The following MECOM variants were observed in gnomAD, a reference collection of about 807,000 sequenced individuals.
MECOM encodes the protein MDS1 and EVI1 complex locus.
Under a neutral mutation model 116.3 loss-of-function variants are expected in MECOM, and 13 were observed. The observed-to-expected ratio is 0.11, with a 90% CI of 0.07 to 0.18. MECOM has a LOEUF of 0.18. MECOM is among the 10% of genes least tolerant of loss of function. MECOM has a pLI of 1.00. For synonymous variants in MECOM, 528 were observed against 535.2 expected (o/e 0.99, Z 0.19); for missense variants, 1,299 against 1,509.0 (o/e 0.86, Z 2.31).
At chr3:169,149,077 CTT>C (rs60870748) in intron 2 of MECOM, among the ~76,000 whole-genome samples, 155 of 115,066 alleles carry the variant, frequency 1.3e-3, no homozygotes, top group African/African-American at 2.9e-3. Flanking sequence ...TCGGAGCTTT[CTT>C]TTTTTTTTTT....
chr3:169,205,134 A>G (rs1176099395), intron 2 of MECOM, among the ~76,000 whole-genome samples: 7 of 152,138 alleles, frequency 4.6e-5, no homozygotes, highest in Non-Finnish European at 7.4e-5. Flanking sequence ...CAGACCTAAT[A>G]TCACATCAAG....
rs1456116421 is a variant in MECOM at position 169,323,136 on chromosome 3, G to T, written c.375+58051C>A. 2.0e-5 allele frequency among the ~76,000 whole-genome samples: 3 copies of T among 151,544 alleles called. No individual in the cohort carries two copies. The East Asian group carries it at 5.8e-4, about 29-fold the overall frequency. On this transcript the variant is annotated intron_variant, in intron 2 of 16. Coordinates refer to ENST00000651503, the MANE Select transcript of MECOM (RefSeq NM_004991.4). ...GACCAATCTGTTAGACCTTAGACATGCAGAGTCATCATATGCACTCACACA... is the reference window on the plus strand; with the variant it reads ...GACCAATCTGTTAGACCTTAGACATTCAGAGTCATCATATGCACTCACACA...
intron 2 of MECOM, among the ~76,000 whole-genome samples, chr3:169,229,444 C>A (rs140814946): frequency 1.7e-3 from 261 of 152,196 alleles, no homozygotes; most frequent in Middle Eastern, 3.4e-3. Context: ...ATCAGAGTTT[C>A]CAGGGACTGG....
intron 2 of MECOM, among the ~76,000 whole-genome samples, chr3:169,158,110 C>CA (rs948820951): frequency 5.3e-5 from 8 of 151,926 alleles, no homozygotes; most frequent in Admixed American, 2.0e-4. Context: ...CAAAATTTCT[C>CA]AAAAAAAGTG....
At chr3:169,256,184 C>T (rs1018420768) in intron 2 of MECOM, among the ~76,000 whole-genome samples, 4 of 152,076 alleles carry the variant, frequency 2.6e-5, no homozygotes, top group Non-Finnish European at 2.9e-5. Flanking sequence ...AATTTCCTGG[C>T]GCTGGCTATG....
At chr3:169,383,037 A>G (rs1157201469) in intron 1 of MECOM, among the ~76,000 whole-genome samples, 1 of 151,978 alleles carries the variant, frequency 6.6e-6, no homozygotes, top group Non-Finnish European at 1.5e-5. Flanking sequence ...AGTTCTATCA[A>G]TTAAAGTCTT....
intron 2 of MECOM, among the ~76,000 whole-genome samples, chr3:169,170,403 CAAAAAAAAAAAAAA>C (rs71634426): frequency 2.7e-5 from 2 of 74,366 alleles, no homozygotes; most frequent in South Asian, 1.0e-3. Flanking sequence ...AAGACTCTGT[CAAAAAAAAAAAAAA>C]AAAAAAAAAA....
At chr3:169,206,585 C>T (rs969568035) in intron 2 of MECOM, among the ~76,000 whole-genome samples, 22 of 151,780 alleles carry the variant, frequency 1.4e-4, no homozygotes, top group Middle Eastern at 3.2e-3. Context: ...AACTCCGTCT[C>T]TACTAAAAAC....
intron 2 of MECOM, among the ~76,000 whole-genome samples, chr3:169,200,057 C>T (rs1748949093): frequency 6.6e-6 from 1 of 152,074 alleles, no homozygotes; most frequent in Non-Finnish European, 1.5e-5. Flanking sequence ...AGTAGATTTA[C>T]ATGAATGGAG....
Position 169,594,174 on chromosome 3 carries a change from A to AAC in MECOM, c.37+69161_37+69162insGT, listed in dbSNP as rs1553894681. 4.2e-4 allele frequency among the ~76,000 whole-genome samples: 53 copies of AAC among 125,956 alleles called. 2 individuals are homozygous for AAC. Among genetic ancestry groups the AAC allele is most frequent in the African/African-American group, 7.4e-4 (23 of 31,110 alleles). The allele number at this position is 125,956 out of a possible 152,430, so 82.6% of individuals were successfully genotyped here. A position where few individuals can be genotyped will look rare whatever the true frequency, so the allele number is the denominator to read the frequency against. ...CACCACAAAAAAAAAAAAAAAAAAA[A>AAC]AACACCTTTTCACCTAAGTACCTCA... On this transcript the variant is annotated intron_variant, in intron 1 of 16. Coordinates refer to ENST00000651503, the MANE Select transcript of MECOM (RefSeq NM_004991.4).
intron 1 of MECOM, among the ~76,000 whole-genome samples, chr3:169,620,228 T>C (rs948722739): frequency 1.3e-5 from 2 of 152,242 alleles, no homozygotes; most frequent in African/African-American, 2.4e-5. Flanking sequence ...TCAACAGGTT[T>C]ATTTCCATTG....
intron 1 of MECOM, among the ~76,000 whole-genome samples, chr3:169,542,264 T>C (rs1760163060): frequency 6.6e-6 from 1 of 152,184 alleles, no homozygotes; most frequent in African/African-American, 2.4e-5. Flanking sequence ...GTTTTTGTTC[T>C]ACTTTTCCAA....
intron 2 of MECOM, among the ~76,000 whole-genome samples, chr3:169,349,870 A>G (rs1313271602): frequency 2.0e-5 from 3 of 151,988 alleles, no homozygotes; most frequent in Admixed American, 6.6e-5. Flanking sequence ...TAAAAACTCC[A>G]GTAACTCAAT....
chr3:169,405,353 A>G (rs1414235992), intron 1 of MECOM, among the ~76,000 whole-genome samples: 1 of 152,232 alleles, frequency 6.6e-6, no homozygotes, highest in Non-Finnish European at 1.5e-5. Context: ...AAAACAGATA[A>G]AGAGTATCAC....
chr3:169,254,673 G>A (rs1756648177), intron 2 of MECOM, among the ~76,000 whole-genome samples: 1 of 151,936 alleles, frequency 6.6e-6, no homozygotes, highest in Non-Finnish European at 1.5e-5. Flanking sequence ...TGACAAATGA[G>A]ATAATATTAC....
chr3:169,216,784 T>C (rs1751475648), intron 2 of MECOM, among the ~76,000 whole-genome samples: 2 of 152,062 alleles, frequency 1.3e-5, no homozygotes, highest in South Asian at 4.1e-4. Context: ...AAAAGAGATA[T>C]ACAGATATGC....
intron 1 of MECOM, among the ~76,000 whole-genome samples, chr3:169,527,763 CTCTT>C (rs1758129127): frequency 1.3e-5 from 2 of 152,106 alleles, no homozygotes; most frequent in South Asian, 4.1e-4. Context: ...TTGCTCCTCT[CTCTT>C]TATTTGCAAT....
intron 1 of MECOM, among the ~76,000 whole-genome samples, chr3:169,631,478 T>C (rs1463624549): frequency 2.0e-5 from 3 of 152,264 alleles, no homozygotes; most frequent in African/African-American, 7.2e-5. Context: ...ATTATTATTA[T>C]ACTTTAAGTT....
At chr3:169,134,750 A>C (rs554081175) in intron 3 of MECOM, among the ~76,000 whole-genome samples, 1 of 152,280 alleles carries the variant, frequency 6.6e-6, no homozygotes, top group African/African-American at 2.4e-5. Flanking sequence ...GAATCCTTGA[A>C]TCTAGGGATG....
Sources: gnomAD v4.1 joint callset for allele counts (sites outside exome capture counted in the v4.1 genomes callset) on GRCh38, gnomAD v4.1.1 for gene constraint, MANE v1.5 for transcripts, NCBI Gene and HGNC (gene_info 2026-07-23, HGNC 2026-07-21) for gene names.